CACNA2D4: variants seen among roughly 807,000 people sequenced by gnomAD.
CACNA2D4 encodes voltage-dependent calcium channel subunit alpha-2/delta-4.
In CACNA2D4, 157 loss-of-function variants were observed where a neutral mutation model predicts 163.8. The observed-to-expected ratio is 0.96, with a 90% CI of 0.84 to 1.09. The LOEUF (loss-of-function observed/expected upper bound fraction) is 1.09. CACNA2D4 is among the 50% of genes least tolerant of loss of function. The probability of loss-of-function intolerance (pLI) is 0.00; values close to 1 mark genes in which losing one functional copy is unlikely to be tolerated. For missense variants in CACNA2D4, 1,410 were observed against 1,479.9 expected (o/e 0.95, Z 0.78); for synonymous variants, 598 against 586.9 (o/e 1.02, Z -0.27).
rs140079603 is a variant in CACNA2D4, at chr12:1,799,627, C to T, written c.2995+48G>A. ...GGTGGGTTCTTTGTAGCTCCTGCTG[C>T]GTCCCCAACCCACCGCCAGCAGGGA... On this transcript the variant is annotated intron_variant, in intron 34 of 37. Coordinates refer to ENST00000382722, the MANE Select transcript of CACNA2D4 (RefSeq NM_172364.5). This position sits in a 1 kb window ranked among gnomAD's most constrained non-coding sequence, Gnocchi z 4.7. 46 of 1,551,558 alleles carry T rather than the reference C, an allele frequency of 3.0e-5. No individual in the cohort carries two copies. Among genetic ancestry groups the T allele is most frequent in the South Asian group, 7.1e-5 (6 of 84,088 alleles).
At chr12:1,913,685 G>T (rs909417658) in intron 2 of CACNA2D4, among the ~76,000 whole-genome samples, 17 of 152,210 alleles carry the variant, frequency 1.1e-4, no homozygotes, top group Admixed American at 4.6e-4. Context: ...CCTGACAATT[G>T]CCAGTGAGCC....
intron 36 of CACNA2D4, 87 bp downstream of exon 36, chr12:1,795,581 T>G: frequency 9.8e-7 from 1 of 1,016,510 alleles, no homozygotes; most frequent in South Asian, 1.3e-5. Flanking sequence ...TGAAGGAGGC[T>G]GGCCCCGCTG....
At chr12:1,877,934 G>A (rs1189472735) in intron 16 of CACNA2D4, among the ~76,000 whole-genome samples, 2 of 152,222 alleles carry the variant, frequency 1.3e-5, no homozygotes, top group Admixed American at 6.5e-5. Context: ...ATCCTAAGGT[G>A]TGCTGCTCAG....
In CACNA2D4 at chr12:1,869,245, G is replaced by T. The variant is rs1865719208; in HGVS notation, c.1878+5359C>A. Among the ~76,000 whole-genome samples, 2 of 152,236 alleles carry T rather than the reference G, an allele frequency of 1.3e-5. No individual in the cohort carries two copies. The highest frequency in any genetic ancestry group is 6.5e-5 in the Admixed American group (1 of 15,290). ...GTCAGGGTCAGCCAAAGAGAAGTGT[G>T]TGTGAGATTTGCAGACAGAAGTGCA... On this transcript the variant is annotated intron_variant, in intron 18 of 37. Transcript: ENST00000382722. The surrounding 1 kb of genome is among the most constrained non-coding windows in gnomAD (Gnocchi z 4.7).
rs1866046123 is a variant in CACNA2D4, at chr12:1,883,092, C to T, written c.1352-92G>A. On this transcript the variant is annotated intron_variant, in intron 12 of 37. Coordinates refer to ENST00000382722, the MANE Select transcript of CACNA2D4 (RefSeq NM_172364.5). This position sits in a 1 kb window ranked among gnomAD's most constrained non-coding sequence, Gnocchi z 4.5. The stretch of plus-strand genomic sequence containing the variant: ...GCACCCTCCCCAGCTGCAGATGGCT[C>T]ATAGCCGAATACTCTCTGGAAACTG... The T allele has an allele frequency of 7.3e-7, 1 of 1,373,258 alleles. No individual in the cohort carries two copies. Among genetic ancestry groups the T allele is most frequent in the South Asian group, 1.4e-5 (1 of 73,222 alleles). 85.1% of individuals were successfully genotyped at this position (1,373,258 alleles called of 1,614,324 possible). A position where few individuals can be genotyped will look rare whatever the true frequency, so the allele number is the denominator to read the frequency against.
At position 1,799,773 on chromosome 12, in the gene CACNA2D4, G is replaced by GGGT; in HGVS notation, c.2975-81_2975-79dup. 4 of 1,513,142 alleles carry GGGT rather than the reference G, an allele frequency of 2.6e-6. No individual in the cohort carries two copies. The Admixed American group carries it at 7.8e-5, about 30-fold the overall frequency. The allele number at this position is 1,513,142 out of a possible 1,614,324, so 93.7% of individuals were successfully genotyped here. A position where few individuals can be genotyped will look rare whatever the true frequency, so the allele number is the denominator to read the frequency against. On this transcript the variant is annotated intron_variant, in intron 33 of 37. Transcript: ENST00000382722. The surrounding 1 kb of genome is among the most constrained non-coding windows in gnomAD (Gnocchi z 4.7). ...TGGCACATGAGGGCAGGATGTCATG[G>GGGT]GGTGGTGATGATGGCACATGGAGTG...
chr12:1,818,761 G>A (rs1863974170), intron 26 of CACNA2D4, among the ~76,000 whole-genome samples: 1 of 136,926 alleles, frequency 7.3e-6, no homozygotes, highest in Non-Finnish European at 1.5e-5. Flanking sequence ...ACCCAAGAAT[G>A]ATCAATAAAA....
In CACNA2D4 at chr12:1,834,371, G is replaced by A; in HGVS notation, c.2551+6368C>T. On this transcript the variant is annotated intron_variant, in intron 26 of 37. Transcript: ENST00000382722. This position sits in a 1 kb window ranked among gnomAD's most constrained non-coding sequence, Gnocchi z 7.6. ...GTTCAACTACTGCTCCCAGCTGGAGGACGAGAATAGCTCAGCTGGGCTGGA... is the reference window on the plus strand; with the variant it reads ...GTTCAACTACTGCTCCCAGCTGGAGAACGAGAATAGCTCAGCTGGGCTGGA... 7 of 1,613,180 alleles carry A rather than the reference G, an allele frequency of 4.3e-6. No individual in the cohort carries two copies. The highest frequency in any genetic ancestry group is 5.1e-6 in the Non-Finnish European group (6 of 1,180,010).
Position 1,918,567 on chromosome 12 carries a change from G to C in CACNA2D4, c.-94C>G. 1.1e-6 allele frequency: 1 copy of C among 929,798 alleles called. No homozygotes were observed. Among genetic ancestry groups the C allele is most frequent in the South Asian group, 1.6e-5 (1 of 64,432 alleles). The allele number at this position is 929,798 out of a possible 1,614,324, so 57.6% of individuals were successfully genotyped here. On this transcript the variant is annotated 5_prime_UTR_variant, in exon 1 of 38. Transcript: ENST00000382722. ...CTGGGGTCTCCAGCCTCTCAGTCCT[G>C]GGTGGGGAGGGCTTCTCTCTGCCCC...
At chr12:1,862,871 C>G (rs1865554400) in intron 18 of CACNA2D4, among the ~76,000 whole-genome samples, 1 of 152,166 alleles carries the variant, frequency 6.6e-6, no homozygotes. Context: ...ATTTTGGATA[C>G]AAGTCTGCCT....
chr12:1,831,204 G>A lies in CACNA2D4; in HGVS notation c.2551+9535C>T, dbSNP rs770648822. 88 of 1,613,694 alleles carry A rather than the reference G, an allele frequency of 5.5e-5. No homozygotes were observed. Among genetic ancestry groups the A allele is most frequent in the East Asian group, 6.7e-5 (3 of 44,898 alleles). On this transcript the variant is annotated intron_variant, in intron 26 of 37. Coordinates refer to ENST00000382722, the MANE Select transcript of CACNA2D4 (RefSeq NM_172364.5). Reference sequence around the variant, plus strand: ...GGACCGGCTGCCCCGCTCCATTTTCGGGGACCTGACGAATCTGACTGAGCT... The same window carrying A: ...GGACCGGCTGCCCCGCTCCATTTTCAGGGACCTGACGAATCTGACTGAGCT...
intron 26 of CACNA2D4, among the ~76,000 whole-genome samples, chr12:1,838,432 C>T (rs1864936612): frequency 6.6e-6 from 1 of 152,212 alleles, no homozygotes; most frequent in African/African-American, 2.4e-5. Flanking sequence ...AACCACCTAC[C>T]CCTCCTTCAG....
In CACNA2D4 at chr12:1,831,401, T is replaced by A. The variant is rs373578062; in HGVS notation, c.2551+9338A>T. ...CGCTTCGCTCCAACCGTCTGCAGAA[T>A]CTGGACCGGCTGACATTTGAACCCC... On this transcript the variant is annotated intron_variant, in intron 26 of 37. Coordinates refer to ENST00000382722, the MANE Select transcript of CACNA2D4 (RefSeq NM_172364.5). 4 of 1,614,088 alleles carry A rather than the reference T, an allele frequency of 2.5e-6. No homozygotes were observed. In the East Asian group the frequency reaches 8.9e-5, roughly 36 times the overall value.
chr12:1,878,487 G>T lies in CACNA2D4; in HGVS notation c.1645-98C>A. ...GGGGGCCACAGGACGGTCAAAGATGGCAGCTCACAGCAGTGAGTGTTTTCA... is the reference window on the plus strand; with the variant it reads ...GGGGGCCACAGGACGGTCAAAGATGTCAGCTCACAGCAGTGAGTGTTTTCA... On this transcript the variant is annotated intron_variant, in intron 15 of 37. Transcript: ENST00000382722. The surrounding 1 kb of genome is among the most constrained non-coding windows in gnomAD (Gnocchi z 4.6). The T allele has an allele frequency of 6.5e-7, 1 of 1,546,752 alleles. No homozygotes were observed.
At position 1,875,348 on chromosome 12, in the gene CACNA2D4, C is replaced by G; in HGVS notation, c.1720-11G>C. 2 of 1,583,864 alleles carry G rather than the reference C, an allele frequency of 1.3e-6. No individual in the cohort carries two copies. Among genetic ancestry groups the G allele is most frequent in the African/African-American group, 1.3e-5 (1 of 74,432 alleles). ...CTTCCCCTCTCTGTACTGGAGTGGG[C>G]AGGTCAGGAAGAAAAACATGTGGTC... On this transcript the variant is annotated splice_polypyrimidine_tract_variant and intron_variant, in intron 16 of 37. Coordinates refer to ENST00000382722, the MANE Select transcript of CACNA2D4 (RefSeq NM_172364.5). This position sits in a 1 kb window ranked among gnomAD's most constrained non-coding sequence, Gnocchi z 4.0.
In CACNA2D4 at chr12:1,801,585, C is replaced by G. The variant is rs1181253463; in HGVS notation, c.2781G>C (p.Gly927=). ...GAVLTQLLSM[G]VFSQVTMYDY... Reference sequence around the variant, plus strand: ...TGTGCCCCACTTACTGGCTGAACACCCCCATGCTGAGCAGCTGGGTCAGGA... The same window carrying G: ...TGTGCCCCACTTACTGGCTGAACACGCCCATGCTGAGCAGCTGGGTCAGGA... The change falls in exon 30 of 38, where the codon GGG becomes GGC. Residue 927 remains glycine, a synonymous_variant. Coordinates refer to ENST00000382722, the MANE Select transcript of CACNA2D4 (RefSeq NM_172364.5). The G allele has an allele frequency of 6.3e-7, 1 of 1,588,862 alleles. No individual in the cohort carries two copies. The highest frequency in any genetic ancestry group is 1.3e-5 in the African/African-American group (1 of 74,448).
intron 1 of CACNA2D4, among the ~76,000 whole-genome samples, chr12:1,916,997 T>C (rs1163651027): frequency 6.6e-6 from 1 of 152,146 alleles, no homozygotes; most frequent in South Asian, 2.1e-4. Flanking sequence ...ACTCCTGGAG[T>C]TGGCCCTCTC....
At chr12:1,888,135 C>T (rs1352905146) in intron 6 of CACNA2D4, among the ~76,000 whole-genome samples, 1 of 152,140 alleles carries the variant, frequency 6.6e-6, no homozygotes, top group Non-Finnish European at 1.5e-5. Flanking sequence ...CCTAGTCTTG[C>T]AGGCAGTCAT....
At position 1,883,975 on chromosome 12, in the gene CACNA2D4, A is replaced by T; in HGVS notation, c.1351+268T>A. ...AAACATTATTCCAGAGAAAACAGTG[A>T]CCCTCTGCTTTTTGTCTGGGAGCAG... is the stretch of plus-strand genomic sequence containing the variant. On this transcript the variant is annotated intron_variant, in intron 12 of 37. Transcript: ENST00000382722. This position sits in a 1 kb window ranked among gnomAD's most constrained non-coding sequence, Gnocchi z 4.5. 1 of 483,958 alleles carries T rather than the reference A, an allele frequency of 2.1e-6. No homozygotes were observed. Among genetic ancestry groups the T allele is most frequent in the Non-Finnish European group, 3.7e-6 (1 of 270,748 alleles). The allele number at this position is 483,958 out of a possible 1,614,324, so 30.0% of individuals were successfully genotyped here. A position where few individuals can be genotyped will look rare whatever the true frequency, so the allele number is the denominator to read the frequency against.
Sources: allele counts gnomAD v4.1 joint callset (sites outside exome capture counted in the v4.1 genomes callset), GRCh38; gene constraint gnomAD v4.1.1; non-coding constraint Gnocchi (gnomAD v3.1); transcripts MANE v1.5; gene names NCBI Gene and HGNC (gene_info 2026-07-23, HGNC 2026-07-21).